HIF1A: variants seen among roughly 807,000 people sequenced by gnomAD.
HIF1A encodes hypoxia-inducible factor 1-alpha.
In HIF1A, 24 loss-of-function variants were observed where a neutral mutation model predicts 92.7. That is an observed-to-expected ratio of 0.26 (90% CI 0.19 to 0.36). The LOEUF (loss-of-function observed/expected upper bound fraction) is 0.36. HIF1A is among the 10% of genes least tolerant of loss of function. The pLI is 1.00. For missense variants in HIF1A, 799 were observed against 998.5 expected (o/e 0.80, Z 2.69); for synonymous variants, 319 against 338.7 (o/e 0.94, Z 0.64).
chr14:61,695,532 T>A lies in HIF1A; in HGVS notation c.-273T>A, dbSNP rs926008619. ...CTCCTCAGTGCACAGTGCTGCCTCG[T>A]CTGAGGGGACAGGAGGATCACCCTC... On this transcript the variant is annotated 5_prime_UTR_variant, in exon 1 of 15. Coordinates refer to ENST00000337138, the MANE Select transcript of HIF1A (RefSeq NM_001530.4). 9.7e-6 allele frequency: 5 copies of A among 514,568 alleles called. No homozygotes were observed. The African/African-American group carries it at 1.0e-4, about 10-fold the overall frequency. The allele number at this position is 514,568 out of a possible 1,614,324, so 31.9% of individuals were successfully genotyped here. A position where few individuals can be genotyped will look rare whatever the true frequency, so the allele number is the denominator to read the frequency against.
chr14:61,714,656 TA>T (rs1273663427), intron 1 of HIF1A, among the ~76,000 whole-genome samples: 1 of 152,238 alleles, frequency 6.6e-6, no homozygotes, highest in Non-Finnish European at 1.5e-5. Flanking sequence ...AGATCTAAAA[TA>T]TTTTTAATAT....
intron 6 of HIF1A, among the ~76,000 whole-genome samples, chr14:61,728,501 A>G (rs1464389142): frequency 6.6e-6 from 1 of 152,178 alleles, no homozygotes; most frequent in African/African-American, 2.4e-5. Context: ...CCCAAACAAC[A>G]TCATCATCAA....
chr14:61,747,194 C>T lies in HIF1A; in HGVS notation c.*109C>T. The T allele has an allele frequency of 2.2e-6, 2 of 898,116 alleles. No individual in the cohort carries two copies. The highest frequency in any genetic ancestry group is 7.3e-5 in the Admixed American group (2 of 27,362). 55.6% of individuals were successfully genotyped at this position (898,116 alleles called of 1,614,324 possible). On this transcript the variant is annotated 3_prime_UTR_variant, in exon 15 of 15. Coordinates refer to ENST00000337138, the MANE Select transcript of HIF1A (RefSeq NM_001530.4). ...TTAGAAGCCTGGCTACAATACTGCA[C>T]AAACTTGGTTAGTTCAATTTTGATC...
At chr14:61,741,580 G>C (rs1257781916) in intron 12 of HIF1A, among the ~76,000 whole-genome samples, 1 of 151,964 alleles carries the variant, frequency 6.6e-6, no homozygotes, top group African/African-American at 2.4e-5. Context: ...CGTTGGTCAG[G>C]CTGGTCTCAA....
chr14:61,719,121 G>T, intron 1 of HIF1A, among the ~76,000 whole-genome samples: 1 of 152,156 alleles, frequency 6.6e-6, no homozygotes, highest in Non-Finnish European at 1.5e-5. Context: ...GAGAGATTTG[G>T]GGTGGAGACA....
intron 1 of HIF1A, among the ~76,000 whole-genome samples, chr14:61,700,592 C>G (rs2044166473): frequency 6.6e-6 from 1 of 152,168 alleles, no homozygotes; most frequent in African/African-American, 2.4e-5. Flanking sequence ...TATTGTGCTG[C>G]TCTGAACATG....
chr14:61,740,991 G>A lies in HIF1A; in HGVS notation c.1896G>A (p.Met632Ile), dbSNP rs757183616. 2 of 1,614,032 alleles carry A rather than the reference G, an allele frequency of 1.2e-6. No homozygotes were observed. ...TAAAAACAGTGACAAAAGACCGTAT[G>A]GAAGACATTAAAATATTGATTGCAT... is the stretch of plus-strand genomic sequence containing the variant. ...DELKTVTKDRMEDIKILIASP... is the reference protein window; with the variant it reads ...DELKTVTKDRIEDIKILIASP... Residue 632 changes from methionine (M) to isoleucine (I), a missense_variant, in exon 12 of 15, where the codon ATG becomes ATA. Physicochemically the swap from Met to Ile is conservative, Grantham distance 10 (BLOSUM62 1). Transcript: ENST00000337138.
At position 61,742,936 on chromosome 14, in the gene HIF1A, A is replaced by G. The variant is rs557733165; in HGVS notation, c.2093+1748A>G. On this transcript the variant is annotated intron_variant, in intron 12 of 14. Transcript: ENST00000337138. ...GTTGGACTGACAGATGCATGAATAC[A>G]GTAGTAAAAATGACAATCACTTATA... 2.6e-5 allele frequency among the ~76,000 whole-genome samples: 4 copies of G among 151,740 alleles called. No homozygotes were observed. The East Asian group carries it at 7.8e-4, about 29-fold the overall frequency.
intron 12 of HIF1A, among the ~76,000 whole-genome samples, chr14:61,742,788 G>A (rs1190643139): frequency 1.3e-5 from 2 of 150,840 alleles, no homozygotes; most frequent in East Asian, 4.0e-4. Flanking sequence ...GGGAGGTTGA[G>A]GCAGGAGAAT....
At position 61,747,233 on chromosome 14, in the gene HIF1A, A is replaced by G; in HGVS notation, c.*148A>G. 1.8e-6 allele frequency: 1 copy of G among 543,004 alleles called. No individual in the cohort carries two copies. Among genetic ancestry groups the G allele is most frequent in the Non-Finnish European group, 3.2e-6 (1 of 316,496 alleles). The allele number at this position is 543,004 out of a possible 1,614,324, so 33.6% of individuals were successfully genotyped here. A position where few individuals can be genotyped will look rare whatever the true frequency, so the allele number is the denominator to read the frequency against. ...TCAATTTTGATCCCCTTTCTACTTA[A>G]TTTACATTAATGCTCTTTTTTAGTA... On this transcript the variant is annotated 3_prime_UTR_variant, in exon 15 of 15. Coordinates refer to ENST00000337138, the MANE Select transcript of HIF1A (RefSeq NM_001530.4).
intron 12 of HIF1A, among the ~76,000 whole-genome samples, chr14:61,743,303 T>C (rs894032513): frequency 2.0e-5 from 3 of 152,164 alleles, no homozygotes; most frequent in Non-Finnish European, 2.9e-5. Flanking sequence ...ACTCCCGACC[T>C]CAGGTGATCC....
intron 6 of HIF1A, among the ~76,000 whole-genome samples, chr14:61,730,618 A>C (rs1005548337): frequency 6.6e-6 from 1 of 152,194 alleles, no homozygotes; most frequent in South Asian, 2.1e-4. Flanking sequence ...TAAGTCTCCT[A>C]TAAGAGGCTG....
In HIF1A at chr14:61,695,578, G is replaced by A. The variant is rs898877222; in HGVS notation, c.-227G>A. On this transcript the variant is annotated 5_prime_UTR_variant, in exon 1 of 15. Transcript: ENST00000337138. ...CCCTCTTCGTCGCTTCGGCCAGTGTGTCGGGCTGGGCCCTGACAAGCCACC... is the reference window on the plus strand; with the variant it reads ...CCCTCTTCGTCGCTTCGGCCAGTGTATCGGGCTGGGCCCTGACAAGCCACC... 2 of 589,358 alleles carry A rather than the reference G, an allele frequency of 3.4e-6. No individual in the cohort carries two copies. The highest frequency in any genetic ancestry group is 6.0e-6 in the Non-Finnish European group (2 of 332,870). 36.5% of individuals were successfully genotyped at this position (589,358 alleles called of 1,614,324 possible).
chr14:61,741,332 A>G (rs1377382243), intron 12 of HIF1A, 144 bp downstream of exon 12: 2 of 562,428 alleles, frequency 3.6e-6, no homozygotes, highest in Admixed American at 3.6e-5. Flanking sequence ...AAAACTTTCT[A>G]AATTAACCTC....
chr14:61,706,208 A>C (rs1322059326), intron 1 of HIF1A, among the ~76,000 whole-genome samples: 1 of 152,136 alleles, frequency 6.6e-6, no homozygotes, highest in Non-Finnish European at 1.5e-5. Flanking sequence ...TAATTTGGGG[A>C]AAGTCAGTGA....
chr14:61,740,529 T>C lies in HIF1A; in HGVS notation c.1561T>C (p.Phe521Leu). 6.3e-7 allele frequency: 1 copy of C among 1,592,280 alleles called. No individual in the cohort carries two copies. Among genetic ancestry groups the C allele is most frequent in the Non-Finnish European group, 8.6e-7 (1 of 1,166,210 alleles). ...GCCTAATAGTCCCAGTGAATATTGT[T>C]TTTATGTGGATAGTGATATGGTCAA... is the stretch of plus-strand genomic sequence containing the variant. ...PEPNSPSEYC[F>L]YVDSDMVNEF... Residue 521 changes from phenylalanine (F) to leucine (L), a missense_variant, in exon 11 of 15, where the codon TTT becomes CTT. Transcript: ENST00000337138.
At chr14:61,714,830 TC>T (rs1362589985) in intron 1 of HIF1A, among the ~76,000 whole-genome samples, 2 of 152,096 alleles carry the variant, frequency 1.3e-5, no homozygotes, top group Non-Finnish European at 2.9e-5. Context: ...GGTCAGGAGT[TC>T]CAGACCAGCC....
intron 1 of HIF1A, among the ~76,000 whole-genome samples, chr14:61,699,170 A>G (rs1433357425): frequency 6.6e-6 from 1 of 152,136 alleles, no homozygotes; most frequent in Non-Finnish European, 1.5e-5. Flanking sequence ...CTCAATTTGT[A>G]TGAAGTCTAT....
chr14:61,719,279 G>T (rs2044398980), intron 1 of HIF1A, among the ~76,000 whole-genome samples: 1 of 152,188 alleles, frequency 6.6e-6, no homozygotes. Flanking sequence ...GGAGTGAGTT[G>T]AGGGGCATAG....
Sources: allele counts gnomAD v4.1 joint callset (sites outside exome capture counted in the v4.1 genomes callset), GRCh38; gene constraint gnomAD v4.1.1; transcripts MANE v1.5; gene names NCBI Gene and HGNC (gene_info 2026-07-23, HGNC 2026-07-21).